GALR3: variants seen among roughly 807,000 people sequenced by gnomAD.
The protein encoded by GALR3 is galanin receptor type 3.
In GALR3, 5 loss-of-function variants were observed where a neutral mutation model predicts 6.9. The ratio of observed to expected loss-of-function variants is 0.72; its 90% confidence interval spans 0.38 to 1.52. The LOEUF (loss-of-function observed/expected upper bound fraction) is 1.52. Among genes scored for constraint, GALR3 ranks in the 40% most tolerant of loss-of-function variants. GALR3 has a pLI of 0.03. For synonymous variants in GALR3, 308 were observed against 263.6 expected, an observed-to-expected ratio of 1.17 and a Z score of -1.63; for missense variants, 570 against 545.6, an observed-to-expected ratio of 1.04 and a Z score of -0.44.
Position 37,825,287 on chromosome 22 carries a change from CG to C in GALR3, c.926del (p.Gly309AlafsTer?). The stretch of plus-strand genomic sequence containing the variant: ...CGCGCTTCCGCCGCCTGTGGCCGTG[CG>C]GCCGCCGACGCCGCCACCGTGCCCG... ...RARFRRLWPC[G>X]RRRRHRARRA... On this transcript the variant is annotated frameshift_variant, in exon 2 of 2. Transcript: ENST00000249041. LOFTEE classifies it low-confidence loss of function (END_TRUNC). 2 of 1,276,230 alleles carry C rather than the reference CG, an allele frequency of 1.6e-6. No individual in the cohort carries two copies. Among genetic ancestry groups the C allele is most frequent in the African/African-American group, 3.1e-5 (2 of 64,342 alleles). The allele number at this position is 1,276,230 out of a possible 1,614,324, so 79.1% of individuals were successfully genotyped here.
rs745688205 is a variant in GALR3 at position 37,823,382 on chromosome 22, T to A, written c.-25T>A. On this transcript the variant is annotated 5_prime_UTR_variant, in exon 1 of 2. Coordinates refer to ENST00000249041, the MANE Select transcript of GALR3 (RefSeq NM_003614.2). ...CTTGCCTGAGGATTCCAGCTTCTCT[T>A]CCCAGGTGCCCGTCTGATGGGGAGA... The A allele has an allele frequency of 6.0e-6, 9 of 1,502,366 alleles. No homozygotes were observed. In the Admixed American group the frequency reaches 1.6e-4, roughly 26 times the overall value. 93.1% of individuals were successfully genotyped at this position (1,502,366 alleles called of 1,614,324 possible).
At position 37,825,111 on chromosome 22, in the gene GALR3, C is replaced by G; in HGVS notation, c.748C>G (p.Pro250Ala). 3 of 1,408,074 alleles carry G rather than the reference C, an allele frequency of 2.1e-6. No individual in the cohort carries two copies. Among genetic ancestry groups the G allele is most frequent in the East Asian group, 3.1e-5 (1 of 31,860 alleles). 87.2% of individuals were successfully genotyped at this position (1,408,074 alleles called of 1,614,324 possible). Residue 250 changes from proline (P) to alanine (A), a missense_variant, in exon 2 of 2, where the codon CCG (proline) becomes GCG (alanine). Physicochemically the swap from Pro to Ala is conservative, Grantham distance 27. Coordinates refer to ENST00000249041, the MANE Select transcript of GALR3 (RefSeq NM_003614.2). ...CGCGCTCTACGCGCTCTGCTGGGGT[C>G]CGCACCACGCGCTCATCCTGTGCTT... The part of the protein sequence containing the change: ...VAALYALCWG[P>A]HHALILCFWY...
In GALR3 at chr22:37,823,742, G is replaced by C; in HGVS notation, c.336G>C (p.Thr112=). Residue 112 remains threonine, a synonymous_variant, in exon 1 of 2, where the codon ACG becomes ACC. Coordinates refer to ENST00000249041, the MANE Select transcript of GALR3 (RefSeq NM_003614.2). Reference sequence around the variant, plus strand: ...TCACCATGTACGCCAGCAGCTTTACGCTGGCTGCTGTCTCCGTGGACAGGT... The same window carrying C: ...TCACCATGTACGCCAGCAGCTTTACCCTGGCTGCTGTCTCCGTGGACAGGT... ...IYLTMYASSF[T]LAAVSVDRYL... The C allele has an allele frequency of 6.2e-7, 1 of 1,608,748 alleles. No individual in the cohort carries two copies. The highest frequency in any genetic ancestry group is 8.5e-7 in the Non-Finnish European group (1 of 1,177,002).
Position 37,825,249 on chromosome 22 carries a change from CG to C in GALR3, c.887del (p.Arg296ProfsTer?). 1 of 1,427,964 alleles carries C rather than the reference CG, an allele frequency of 7.0e-7. No individual in the cohort carries two copies. The highest frequency in any genetic ancestry group is 9.2e-7 in the Non-Finnish European group (1 of 1,082,018). The allele number at this position is 1,427,964 out of a possible 1,614,324, so 88.5% of individuals were successfully genotyped here. On this transcript the variant is annotated frameshift_variant, in exon 2 of 2. Coordinates refer to ENST00000249041, the MANE Select transcript of GALR3 (RefSeq NM_003614.2). LOFTEE classifies it low-confidence loss of function (END_TRUNC). The part of the protein sequence containing the change: ...LNPLVYALAS[R>X]HFRARFRRLW... ...CCCGCTCGTCTACGCGCTCGCCTCG[CG>C]CCACTTCCGCGCGCGCTTCCGCCGC...
chr22:37,824,698 C>G, intron 1 of GALR3, 25 bp from the exon 2 acceptor site: 2 of 1,191,684 alleles, frequency 1.7e-6, no homozygotes, highest in South Asian at 4.2e-5. Context: ...ACCTGCCCGC[C>G]CCGCTGACCA....
Position 37,824,891 on chromosome 22 carries a change from G to C in GALR3, c.528G>C (p.Trp176Cys). ...YGALELCVPAWEDARRRALDV... is the reference protein window; with the variant it reads ...YGALELCVPACEDARRRALDV... ...CGCTGGAGCTCTGCGTGCCCGCCTG[G>C]GAGGACGCGCGCCGCCGCGCCCTGG... The change falls in exon 2 of 2, where the codon TGG becomes TGC. Residue 176 changes from tryptophan to cysteine, a missense_variant. Transcript: ENST00000249041. The C allele has an allele frequency of 1.4e-6, 2 of 1,381,862 alleles. No homozygotes were observed. The highest frequency in any genetic ancestry group is 1.7e-5 in the South Asian group (1 of 60,004). 85.6% of individuals were successfully genotyped at this position (1,381,862 alleles called of 1,614,324 possible).
In GALR3 at chr22:37,823,504, T is replaced by G. The variant is rs757374038; in HGVS notation, c.98T>G (p.Val33Gly). ...GCCCTAATCTTCCTGCTGGGCACAG[T>G]GGGCAATGGGCTGGTGCTGGCAGTG... is the stretch of plus-strand genomic sequence containing the variant. Reference protein sequence around the residue: ...VFALIFLLGTVGNGLVLAVLL... With the variant: ...VFALIFLLGTGGNGLVLAVLL... The change falls in exon 1 of 2, where the codon GTG (valine) becomes GGG (glycine). Residue 33 changes from valine (V) to glycine (G), a missense_variant. Coordinates refer to ENST00000249041, the MANE Select transcript of GALR3 (RefSeq NM_003614.2). The G allele has an allele frequency of 1.3e-6, 2 of 1,550,718 alleles. No homozygotes were observed. The highest frequency in any genetic ancestry group is 2.2e-5 in the South Asian group (2 of 89,994).
rs1922562995 is a variant in GALR3 at position 37,825,045 on chromosome 22, A to C, written c.682A>C (p.Arg228=). 5.2e-6 allele frequency: 6 copies of C among 1,145,940 alleles called. No homozygotes were observed. Among genetic ancestry groups the C allele is most frequent in the East Asian group, 4.2e-5 (1 of 23,844 alleles). 71.0% of individuals were successfully genotyped at this position (1,145,940 alleles called of 1,614,324 possible). ...CGCGGCGGCGGCCGAGGCGCGGCGG[A>C]GGGCGACGGGCCGCGCGGGGCGCGC... The part of the protein sequence containing the change: ...AGAAAAEARR[R]ATGRAGRAML... Residue 228 remains arginine, a synonymous_variant, in exon 2 of 2, where the codon AGG becomes CGG. Transcript: ENST00000249041.
intron 1 of GALR3, among the ~76,000 whole-genome samples, chr22:37,824,510 C>G (rs1375515498): frequency 6.6e-6 from 1 of 152,172 alleles, no homozygotes; most frequent in Admixed American, 6.5e-5. Context: ...TCTGACGCAT[C>G]CATAAAATAA....
intron 1 of GALR3, 152 bp downstream of exon 1, chr22:37,823,917 G>T (rs566790278): frequency 3.3e-6 from 2 of 604,822 alleles, no homozygotes; most frequent in Non-Finnish European, 5.9e-6. Flanking sequence ...CTGACCCCTC[G>T]CAAGCAGCCT....
rs1191248246 is a variant in GALR3, at chr22:37,825,460, G to T, written c.1097G>T (p.Gly366Val). The change falls in exon 2 of 2, where the codon GGA (glycine) becomes GTA (valine). Residue 366 changes from glycine to valine, a missense_variant. Coordinates refer to ENST00000249041, the MANE Select transcript of GALR3 (RefSeq NM_003614.2). ...GTCCACGGCGGAGAGGCTGCCCGAG[G>T]ACCGGAATAAACCCTGCCGCCTGGA... ...GPVHGGEAARGPE is the reference protein window; with the variant it reads ...GPVHGGEAARVPE The T allele has an allele frequency of 1.0e-5, 14 of 1,369,014 alleles. No homozygotes were observed. The highest frequency in any genetic ancestry group is 2.0e-4 in the Middle Eastern group (1 of 4,972). 84.8% of individuals were successfully genotyped at this position (1,369,014 alleles called of 1,614,324 possible). A position where few individuals can be genotyped will look rare whatever the true frequency, so the allele number is the denominator to read the frequency against.
rs1687017152 is a variant in GALR3 at position 37,825,309 on chromosome 22, G to A, written c.946G>A (p.Ala316Thr). 3.2e-6 allele frequency: 4 copies of A among 1,250,086 alleles called. No homozygotes were observed. Among genetic ancestry groups the A allele is most frequent in the Admixed American group, 8.6e-5 (2 of 23,254 alleles). The allele number at this position is 1,250,086 out of a possible 1,614,324, so 77.4% of individuals were successfully genotyped here. ...WPCGRRRRHR[A>T]RRALRRVRPA... Reference sequence around the variant, plus strand: ...GTGCGGCCGCCGACGCCGCCACCGTGCCCGCCGCGCCTTGCGTCGCGTCCG... The same window carrying A: ...GTGCGGCCGCCGACGCCGCCACCGTACCCGCCGCGCCTTGCGTCGCGTCCG... The change falls in exon 2 of 2, where the codon GCC (alanine) becomes ACC (threonine). Residue 316 changes from alanine (A) to threonine (T), a missense_variant. Physicochemically the swap from Ala to Thr is moderately conservative, Grantham distance 58. Coordinates refer to ENST00000249041, the MANE Select transcript of GALR3 (RefSeq NM_003614.2).
At position 37,824,852 on chromosome 22, in the gene GALR3, C is replaced by A; in HGVS notation, c.489C>A (p.Thr163=). ...CGCCCTACCTCAGCTACTACGGCAC[C>A]GTGCGCTACGGCGCGCTGGAGCTCT... ...FSAPYLSYYG[T]VRYGALELCV... The change falls in exon 2 of 2, where the codon ACC becomes ACA. Residue 163 remains threonine (T), a synonymous_variant. Transcript: ENST00000249041. 2.1e-6 allele frequency: 3 copies of A among 1,416,776 alleles called. No individual in the cohort carries two copies. Among genetic ancestry groups the A allele is most frequent in the South Asian group, 1.5e-5 (1 of 67,614 alleles). The allele number at this position is 1,416,776 out of a possible 1,614,324, so 87.8% of individuals were successfully genotyped here.
At position 37,823,757 on chromosome 22, in the gene GALR3, C is replaced by T. The variant is rs747235336; in HGVS notation, c.351C>T (p.Ser117=). ...GCAGCTTTACGCTGGCTGCTGTCTC[C>T]GTGGACAGGTGCGCTGTGCCTGGGG... The part of the protein sequence containing the change: ...YASSFTLAAV[S]VDRYLAVRHP... The change falls in exon 1 of 2, where the codon TCC becomes TCT. Residue 117 remains serine (S), a synonymous_variant. Coordinates refer to ENST00000249041, the MANE Select transcript of GALR3 (RefSeq NM_003614.2). The T allele has an allele frequency of 7.9e-6, 12 of 1,512,562 alleles. No individual in the cohort carries two copies. In the Admixed American group the frequency reaches 1.9e-4, roughly 24 times the overall value. The allele number at this position is 1,512,562 out of a possible 1,614,324, so 93.7% of individuals were successfully genotyped here. A position where few individuals can be genotyped will look rare whatever the true frequency, so the allele number is the denominator to read the frequency against.
rs572896129 is a variant in GALR3 at position 37,825,136 on chromosome 22, T to G, written c.773T>G (p.Phe258Cys). The change falls in exon 2 of 2, where the codon TTC (phenylalanine) becomes TGC (cysteine). Residue 258 changes from phenylalanine to cysteine, a missense_variant. By Grantham distance (205) the Phe-to-Cys change is radical (BLOSUM62 -2). Coordinates refer to ENST00000249041, the MANE Select transcript of GALR3 (RefSeq NM_003614.2). ...WGPHHALILC[F>C]WYGRFAFSPA... ...CCGCACCACGCGCTCATCCTGTGCT[T>G]CTGGTACGGCCGCTTCGCCTTCAGC... 20 of 1,465,954 alleles carry G rather than the reference T, an allele frequency of 1.4e-5. No homozygotes were observed. Among genetic ancestry groups the G allele is most frequent in the African/African-American group, 1.0e-4 (7 of 68,314 alleles). 90.8% of individuals were successfully genotyped at this position (1,465,954 alleles called of 1,614,324 possible).
Position 37,825,173 on chromosome 22 carries a change from C to G in GALR3, c.810C>G (p.Tyr270Ter), listed in dbSNP as rs746996975. 123 of 1,491,140 alleles carry G rather than the reference C, an allele frequency of 8.2e-5. No individual in the cohort carries two copies. The highest frequency in any genetic ancestry group is 1.0e-4 in the Non-Finnish European group (114 of 1,116,858). The allele number at this position is 1,491,140 out of a possible 1,614,324, so 92.4% of individuals were successfully genotyped here. The change falls in exon 2 of 2, where the codon TAC (tyrosine) becomes TAG (stop). Residue 270 changes from tyrosine (Y) to a stop codon, truncating the protein, a stop_gained. Transcript: ENST00000249041. LOFTEE classifies it low-confidence loss of function (END_TRUNC). ...YGRFAFSPAT[Y>*]ACRLASHCLA... ...GCTTCGCCTTCAGCCCGGCCACCTA[C>G]GCCTGCCGCCTGGCCTCACACTGCC...
At chr22:37,824,313 C>T (rs1474900311) in intron 1 of GALR3, among the ~76,000 whole-genome samples, 1 of 151,956 alleles carries the variant, frequency 6.6e-6, no homozygotes, top group Non-Finnish European at 1.5e-5. Context: ...TCAAGTGATC[C>T]GCCCGCCTCG....
rs1384023406 is a variant in GALR3 at position 37,823,616 on chromosome 22, C to T, written c.210C>T (p.Cys70=). Residue 70 remains cysteine (C), a synonymous_variant, in exon 1 of 2, where the codon TGC becomes TGT. Transcript: ENST00000249041. ...TCAACCTGGCGGTGGCTGACCTCTG[C>T]TTCATCCTGTGCTGCGTGCCCTTCC... ...FILNLAVADL[C]FILCCVPFQA... 6 of 1,614,044 alleles carry T rather than the reference C, an allele frequency of 3.7e-6. No individual in the cohort carries two copies. The highest frequency in any genetic ancestry group is 1.6e-4 in the Middle Eastern group (1 of 6,082).
rs774243036 is a variant in GALR3 at position 37,824,908 on chromosome 22, G to T, written c.545G>T (p.Arg182Leu). 1.5e-6 allele frequency: 2 copies of T among 1,362,906 alleles called. No homozygotes were observed. Among genetic ancestry groups the T allele is most frequent in the East Asian group, 3.0e-5 (1 of 33,874 alleles). The allele number at this position is 1,362,906 out of a possible 1,614,324, so 84.4% of individuals were successfully genotyped here. The change falls in exon 2 of 2, where the codon CGC (arginine) becomes CTC (leucine). Residue 182 changes from arginine to leucine, a missense_variant. Coordinates refer to ENST00000249041, the MANE Select transcript of GALR3 (RefSeq NM_003614.2). ...CCCGCCTGGGAGGACGCGCGCCGCC[G>T]CGCCCTGGACGTGGCCACCTTCGCT... ...CVPAWEDARRRALDVATFAAG... is the reference protein window; with the variant it reads ...CVPAWEDARRLALDVATFAAG...
Sources: allele counts gnomAD v4.1 joint callset (sites outside exome capture counted in the v4.1 genomes callset), GRCh38; gene constraint gnomAD v4.1.1; transcripts MANE v1.5; gene names NCBI Gene and HGNC (gene_info 2026-07-23, HGNC 2026-07-21).